Variants in NRG1 observed in about 807,000 individuals in gnomAD.
The protein encoded by NRG1 is neuregulin 1.
A neutral mutation model predicts 63.8 loss-of-function variants in NRG1; 18 were observed. The observed-to-expected ratio is 0.28, with a 90% CI of 0.19 to 0.42. The LOEUF (loss-of-function observed/expected upper bound fraction) is 0.42, where lower values mean the gene tolerates loss of function less well. Among genes scored for constraint, NRG1 ranks in the 10% least tolerant of loss-of-function variants. NRG1 has a pLI of 1.00. For missense variants in NRG1, 762 were observed against 814.7 expected (o/e 0.94, Z 0.79); for synonymous variants, 302 against 301.3 (o/e 1.00, Z -0.02).
chr8:31,976,664 T>G (rs1206258804), intron 1 of NRG1, among the ~76,000 whole-genome samples: 7 of 4,760 alleles, frequency 1.5e-3, no homozygotes, highest in East Asian at 2.9e-3. Flanking sequence ...CTGCCATGGG[T>G]GTGTGTGTGT....
chr8:31,668,769 G>A (rs919308503), intron 1 of NRG1, among the ~76,000 whole-genome samples: 13 of 152,138 alleles, frequency 8.5e-5, no homozygotes, highest in South Asian at 2.1e-4. Flanking sequence ...CTGGCATAAT[G>A]TACAGCATAT....
intron 1 of NRG1, among the ~76,000 whole-genome samples, chr8:32,198,711 C>T (rs892835450): frequency 6.6e-6 from 1 of 152,118 alleles, no homozygotes; most frequent in Non-Finnish European, 1.5e-5. Flanking sequence ...AATCTCATAT[C>T]CAAAGCTCTA....
At chr8:32,258,166 A>C (rs1849947142) in intron 1 of NRG1, among the ~76,000 whole-genome samples, 1 of 152,182 alleles carries the variant, frequency 6.6e-6, no homozygotes, top group South Asian at 2.1e-4. Flanking sequence ...TCATCTCCTG[A>C]AGGCTTCCTT....
At position 31,814,711 on chromosome 8, in the gene NRG1, A is replaced by G. The variant is rs908110926; in HGVS notation, c.37+175280A>G. ...TAAATAATTAATAATAAATATTAAT[A>G]AATACCTTTGGCAAGTATATACTAT... On this transcript the variant is annotated intron_variant, in intron 1 of 10. Transcript: ENST00000519301. 7.3e-5 allele frequency among the ~76,000 whole-genome samples: 11 copies of G among 150,984 alleles called. No homozygotes were observed. In the South Asian group the frequency reaches 2.3e-3, roughly 31 times the overall value.
chr8:32,279,848 T>C (rs1162961960), intron 1 of NRG1, among the ~76,000 whole-genome samples: 1 of 152,180 alleles, frequency 6.6e-6, no homozygotes, highest in African/African-American at 2.4e-5. Flanking sequence ...GACTGATGTG[T>C]AGGGTAACAC....
chr8:31,771,783 T>TA (rs1818651493), intron 1 of NRG1, among the ~76,000 whole-genome samples: 1 of 152,184 alleles, frequency 6.6e-6, no homozygotes, highest in African/African-American at 2.4e-5. Context: ...TACCTGAGGG[T>TA]AAACACCCAA....
intron 1 of NRG1, among the ~76,000 whole-genome samples, chr8:31,663,811 T>C (rs1339632948): frequency 1.3e-5 from 2 of 152,102 alleles, no homozygotes; most frequent in Non-Finnish European, 1.5e-5. Flanking sequence ...ATTCTTCTAT[T>C]CTTTTTCATC....
chr8:32,092,060 T>C (rs2131278689), intron 1 of NRG1, among the ~76,000 whole-genome samples: 1 of 152,158 alleles, frequency 6.6e-6, no homozygotes, highest in East Asian at 1.9e-4. Context: ...CAAGAAGTAA[T>C]TTTTTAAAAA....
intron 1 of NRG1, among the ~76,000 whole-genome samples, chr8:32,543,087 T>C (rs1289268978): frequency 6.6e-6 from 1 of 152,182 alleles, no homozygotes; most frequent in Non-Finnish European, 1.5e-5. Flanking sequence ...AAGTATTTAG[T>C]GCTTACCAGA....
At chr8:31,974,704 A>G (rs997080874) in intron 1 of NRG1, among the ~76,000 whole-genome samples, 1 of 152,216 alleles carries the variant, frequency 6.6e-6, no homozygotes, top group Non-Finnish European at 1.5e-5. Flanking sequence ...TTGTCCCTCC[A>G]GATAATTTAG....
chr8:31,856,677 A>G lies in NRG1; in HGVS notation c.37+217246A>G, dbSNP rs565856761. Among the ~76,000 whole-genome samples the G allele has an allele frequency of 1.6e-4, 24 of 152,240 alleles. No individual in the cohort carries two copies. In the East Asian group the frequency reaches 3.3e-3, roughly 21 times the overall value. The stretch of plus-strand genomic sequence containing the variant: ...GTGAGGAACTGCGTTCCTTTGGAGG[A>G]GGAGAGTCGCTCTGCTTTTTAGAGT... On this transcript the variant is annotated intron_variant, in intron 1 of 10. Coordinates refer to the NRG1 transcript ENST00000519301.
chr8:32,089,106 A>G (rs1291170733), intron 1 of NRG1, among the ~76,000 whole-genome samples: 1 of 152,130 alleles, frequency 6.6e-6, no homozygotes, highest in African/African-American at 2.4e-5. Context: ...GCTCATGTGC[A>G]TGGATCCCTG....
intron 1 of NRG1, among the ~76,000 whole-genome samples, chr8:32,029,912 T>G (rs904410107): frequency 2.0e-5 from 3 of 152,140 alleles, no homozygotes; most frequent in Non-Finnish European, 4.4e-5. Context: ...AGCTTTGTAT[T>G]ATCATTTTAA....
At chr8:31,645,722 G>A (rs1432218962) in intron 1 of NRG1, among the ~76,000 whole-genome samples, 2 of 152,152 alleles carry the variant, frequency 1.3e-5, no homozygotes, top group Admixed American at 6.5e-5. Flanking sequence ...AAAATAGTTT[G>A]TTAGGAAGTT....
At chr8:32,654,345 T>C (rs2129548087) in intron 5 of NRG1, among the ~76,000 whole-genome samples, 1 of 152,316 alleles carries the variant, frequency 6.6e-6, no homozygotes, top group South Asian at 2.1e-4. Context: ...GAAGAGAATT[T>C]TGGCCAGGTG....
At chr8:32,420,499 TTGA>T (rs1245433548) in intron 1 of NRG1, among the ~76,000 whole-genome samples, 3 of 151,882 alleles carry the variant, frequency 2.0e-5, no homozygotes, top group Non-Finnish European at 4.4e-5. Flanking sequence ...TTTCTGTCAC[TTGA>T]TGATGGGTGA....
chr8:32,155,483 C>T (rs931728643), intron 1 of NRG1, among the ~76,000 whole-genome samples: 2 of 152,052 alleles, frequency 1.3e-5, no homozygotes, highest in African/African-American at 4.8e-5. Context: ...ACTATATAAT[C>T]TTGCATTAAA....
chr8:31,722,784 A>G (rs1813049595), intron 1 of NRG1, among the ~76,000 whole-genome samples: 1 of 152,186 alleles, frequency 6.6e-6, no homozygotes, highest in Admixed American at 6.5e-5. Context: ...CCAAGGAGCA[A>G]CAGTCTCAAA....
chr8:32,380,057 C>T (rs1363181303), intron 1 of NRG1, among the ~76,000 whole-genome samples: 1 of 152,156 alleles, frequency 6.6e-6, no homozygotes, highest in East Asian at 1.9e-4. Flanking sequence ...TTTGTCATCA[C>T]CATCTCCACT....
Sources: gnomAD v4.1 joint callset for allele counts (sites outside exome capture counted in the v4.1 genomes callset) on GRCh38, gnomAD v4.1.1 for gene constraint, MANE v1.5 for transcripts, NCBI Gene and HGNC (gene_info 2026-07-23, HGNC 2026-07-21) for gene names.